The following TAF3 variants were observed in gnomAD, a reference collection of about 807,000 sequenced individuals.
TAF3 encodes transcription initiation factor TFIID subunit 3.
Under a neutral mutation model 80.6 loss-of-function variants are expected in TAF3, and 7 were observed. The ratio of observed to expected loss-of-function variants is 0.09; its 90% CI spans 0.05 to 0.16. The LOEUF (loss-of-function observed/expected upper bound fraction) is 0.16, where lower values mean the gene tolerates loss of function less well. Ranked by LOEUF, TAF3 falls within the 10% of genes least tolerant of loss-of-function variation. TAF3 has a pLI of 1.00. For missense variants in TAF3, 921 were observed against 1,140.2 expected, an observed-to-expected ratio of 0.81 and a Z score of 2.77; for synonymous variants, 444 against 446.1, an observed-to-expected ratio of 1.00 and a Z score of 0.06.
Position 7,867,253 on chromosome 10 carries a change from TCA to T in TAF3, c.409+42710_409+42711del, listed in dbSNP as rs201281091. 4.7e-3 allele frequency among the ~76,000 whole-genome samples: 710 copies of T among 150,768 alleles called. 6 individuals are homozygous for T. The highest frequency in any genetic ancestry group is 0.016 in the African/African-American group (672 of 41,098). ...CAGCCTGGGCAACAGAGTGAGACTGTCACACACACACACACACAAAAAACAAA... is the reference window on the plus strand; with the variant it reads ...CAGCCTGGGCAACAGAGTGAGACTGTCACACACACACACACAAAAAACAAA... On this transcript the variant is annotated intron_variant, in intron 2 of 6. Coordinates refer to ENST00000344293, the MANE Select transcript of TAF3 (RefSeq NM_031923.4).
Position 7,863,646 on chromosome 10 carries a change from T to TATATAC in TAF3, c.409+39087_409+39088insTATACA, listed in dbSNP as rs1196114441. ...AAAAAAATATATATATATATATATA[T>TATATAC]ACACACACACATATATATATACACA... On this transcript the variant is annotated intron_variant, in intron 2 of 6. Transcript: ENST00000344293. 1.6e-3 allele frequency among the ~76,000 whole-genome samples: 120 copies of TATATAC among 76,800 alleles called. 2 individuals carry two copies. The highest frequency in any genetic ancestry group is 2.8e-3 in the South Asian group (5 of 1,790). The allele number at this position is 76,800 out of a possible 152,430, so 50.4% of individuals were successfully genotyped here.
In TAF3 at chr10:7,930,776, A is replaced by AT. The variant is rs890368594; in HGVS notation, c.410-33135dup. ...ATAGATATACTCGATACTGGTATCC[A>AT]TTTTTTTTTCTGTTATCACTACAAA... On this transcript the variant is annotated intron_variant, in intron 2 of 6. Coordinates refer to ENST00000344293, the MANE Select transcript of TAF3 (RefSeq NM_031923.4). 3.3e-5 allele frequency among the ~76,000 whole-genome samples: 5 copies of AT among 150,894 alleles called. No homozygotes were observed. In the East Asian group the frequency reaches 5.8e-4, roughly 18 times the overall value.
chr10:8,011,415 G>T (rs561787459), intron 5 of TAF3, among the ~76,000 whole-genome samples: 4 of 152,064 alleles, frequency 2.6e-5, no homozygotes, highest in African/African-American at 9.6e-5. Flanking sequence ...CACCACAACT[G>T]GCTGTTTCTT....
At chr10:7,952,554 C>T (rs998240641) in intron 2 of TAF3, among the ~76,000 whole-genome samples, 8 of 152,180 alleles carry the variant, frequency 5.3e-5, no homozygotes, top group African/African-American at 1.9e-4. Context: ...TGTGATACAA[C>T]AGTATTAACA....
In TAF3 at chr10:8,014,766, C is replaced by G. The variant is rs368623470; in HGVS notation, c.*15C>G. The G allele has an allele frequency of 4.5e-6, 7 of 1,568,722 alleles. No individual in the cohort carries two copies. Among genetic ancestry groups the G allele is most frequent in the African/African-American group, 2.7e-5 (2 of 73,496 alleles). On this transcript the variant is annotated 3_prime_UTR_variant, in exon 7 of 7. Transcript: ENST00000344293. ...GAGCCCACTGACGACTCCCGAGGGG[C>G]TGGACCAAGCGGGGTCAGCCCGGGC...
At chr10:7,865,745 TGGACAGTACTTGAGCTGAGGTCAAACCTC>T (rs1339286911) in intron 2 of TAF3, among the ~76,000 whole-genome samples, 1 of 152,220 alleles carries the variant, frequency 6.6e-6, no homozygotes, top group African/African-American at 2.4e-5. Flanking sequence ...TTCTCTTGAA[TGGACAGTACTTGAGCTGAGGTCAAACCTC>T]GAACAGCAGC....
At chr10:7,870,558 A>AACTGTTAGTGTTTTCACT (rs1837255323) in intron 2 of TAF3, among the ~76,000 whole-genome samples, 1 of 152,166 alleles carries the variant, frequency 6.6e-6, no homozygotes, top group Admixed American at 6.5e-5. Context: ...GTACAATTGG[A>AACTGTTAGTGTTTTCACT]AACTGTAACT....
At chr10:7,853,818 T>G (rs1054653700) in intron 2 of TAF3, among the ~76,000 whole-genome samples, 5 of 152,212 alleles carry the variant, frequency 3.3e-5, no homozygotes, top group African/African-American at 1.2e-4. Flanking sequence ...TTAAGTGTGC[T>G]CTTCTGTAGT....
In TAF3 at chr10:7,982,820, C is replaced by T. The variant is rs115997760; in HGVS notation, c.2315+5497C>T. 4.3e-3 allele frequency among the ~76,000 whole-genome samples: 657 copies of T among 152,278 alleles called. 4 individuals carry two copies. The highest frequency in any genetic ancestry group is 0.015 in the African/African-American group (614 of 41,554). On this transcript the variant is annotated intron_variant, in intron 4 of 6. Transcript: ENST00000344293. ...ATGACAAAGATGGTGTCCTCCACAG[C>T]GGTTTTTATAGGTGACCCAAAGGCA... is the stretch of plus-strand genomic sequence containing the variant.
rs773920670 is a variant in TAF3 at position 8,014,996 on chromosome 10, C to A, written c.*245C>A. The A allele has an allele frequency of 1.1e-4, 42 of 366,656 alleles. 1 individual carries two copies. The highest frequency in any genetic ancestry group is 8.1e-4 in the Middle Eastern group (1 of 1,232). 22.7% of individuals were successfully genotyped at this position (366,656 alleles called of 1,614,324 possible). A position where few individuals can be genotyped will look rare whatever the true frequency, so the allele number is the denominator to read the frequency against. On this transcript the variant is annotated 3_prime_UTR_variant, in exon 7 of 7. Transcript: ENST00000344293. ...GCAGAGGCGTGGCCTGGGGGCTGCCCCTCCTCCACTTCTCTAATACCAGTG... is the reference window on the plus strand; with the variant it reads ...GCAGAGGCGTGGCCTGGGGGCTGCCACTCCTCCACTTCTCTAATACCAGTG...
intron 2 of TAF3, among the ~76,000 whole-genome samples, chr10:7,873,712 T>A (rs1189994945): frequency 6.7e-6 from 1 of 149,988 alleles, no homozygotes; most frequent in South Asian, 2.1e-4. Flanking sequence ...GGACCAGGTA[T>A]TTTGAAGAAT....
At chr10:7,899,629 TTGATAC>T (rs1194243881) in intron 2 of TAF3, among the ~76,000 whole-genome samples, 2 of 152,176 alleles carry the variant, frequency 1.3e-5, no homozygotes, top group African/African-American at 4.8e-5. Context: ...TCCATTCCCG[TTGATAC>T]TGAAGAACAC....
intron 3 of TAF3, among the ~76,000 whole-genome samples, chr10:7,971,141 C>T (rs1831617383): frequency 6.6e-6 from 1 of 152,194 alleles, no homozygotes; most frequent in South Asian, 2.1e-4. Flanking sequence ...TATTCTGTCT[C>T]AGCTGTCTAC....
intron 2 of TAF3, among the ~76,000 whole-genome samples, chr10:7,824,902 G>A (rs1004116614): frequency 6.6e-6 from 1 of 152,176 alleles, no homozygotes; most frequent in Non-Finnish European, 1.5e-5. Flanking sequence ...AAAAATTGGG[G>A]TAGCTCTTTT....
At chr10:7,974,190 T>G (rs1831649019) in intron 3 of TAF3, among the ~76,000 whole-genome samples, 2 of 149,638 alleles carry the variant, frequency 1.3e-5, no homozygotes, top group Admixed American at 1.3e-4. Context: ...ACACGAGACT[T>G]GAATGCTAAC....
At chr10:7,943,792 C>T (rs1837998135) in intron 2 of TAF3, among the ~76,000 whole-genome samples, 1 of 152,128 alleles carries the variant, frequency 6.6e-6, no homozygotes, top group African/African-American at 2.4e-5. Flanking sequence ...TATTCCAAAG[C>T]AAAATACTAA....
At chr10:7,862,481 G>C (rs1837157899) in intron 2 of TAF3, among the ~76,000 whole-genome samples, 1 of 152,078 alleles carries the variant, frequency 6.6e-6, no homozygotes, top group African/African-American at 2.4e-5. Flanking sequence ...ATATGTGTCT[G>C]TTTTCTGGAC....
At chr10:7,883,743 C>T (rs955531461) in intron 2 of TAF3, among the ~76,000 whole-genome samples, 2 of 152,076 alleles carry the variant, frequency 1.3e-5, no homozygotes, top group South Asian at 2.1e-4. Flanking sequence ...TATTGATATC[C>T]GCAGACACTT....
At chr10:7,923,039 CA>C (rs1202698927) in intron 2 of TAF3, among the ~76,000 whole-genome samples, 3 of 152,032 alleles carry the variant, frequency 2.0e-5, no homozygotes, top group Non-Finnish European at 4.4e-5. Flanking sequence ...TTAATTATCT[CA>C]TGCTATCATT....
Sources: allele counts gnomAD v4.1 joint callset (sites outside exome capture counted in the v4.1 genomes callset), GRCh38; gene constraint gnomAD v4.1.1; transcripts MANE v1.5; gene names NCBI Gene and HGNC (gene_info 2026-07-23, HGNC 2026-07-21).